Variants in LCT observed in about 807,000 individuals in gnomAD.
The protein encoded by LCT is lactase, also known as lactase/phlorizin hydrolase.
A neutral mutation model predicts 173.0 loss-of-function variants in LCT; 90 were observed. That is an observed-to-expected ratio of 0.52 (90% CI 0.44 to 0.62). LCT has a LOEUF of 0.62. Ranked by LOEUF, LCT falls within the 20% of genes least tolerant of loss-of-function variation. LCT has a pLI of 0.00. For synonymous variants in LCT, 853 were observed against 957.6 expected, an observed-to-expected ratio of 0.89 and a Z score of 2.02; for missense variants, 1,864 against 2,431.4, an observed-to-expected ratio of 0.77 and a Z score of 4.91.
At position 135,836,826 on chromosome 2, in the gene LCT, C is replaced by T. The variant is rs1679411520; in HGVS notation, c.344G>A (p.Arg115Gln). ...TGCAGTCTTGAGGGCCTTGAGGAGTCGCCGGTAGCACTGCACTGTTTTCTC... is the reference window on the plus strand; with the variant it reads ...TGCAGTCTTGAGGGCCTTGAGGAGTTGCCGGTAGCACTGCACTGTTTTCTC... ...PDEKTVQCYR[R>Q]LLKALKTARL... Residue 115 changes from arginine to glutamine, a missense_variant, in exon 1 of 17, where the codon CGA becomes CAA. Physicochemically the swap from Arg to Gln is conservative, Grantham distance 43. Transcript: ENST00000264162. The T allele has an allele frequency of 3.7e-6, 6 of 1,614,084 alleles. No homozygotes were observed. The highest frequency in any genetic ancestry group is 1.3e-5 in the African/African-American group (1 of 74,998).
At position 135,817,567 on chromosome 2, in the gene LCT, G is replaced by A. The variant is rs1558741351; in HGVS notation, c.1481C>T (p.Thr494Met). 1.9e-6 allele frequency: 3 copies of A among 1,614,158 alleles called. No individual in the cohort carries two copies. Among genetic ancestry groups the A allele is most frequent in the Non-Finnish European group, 2.5e-6 (3 of 1,180,008 alleles). ...LQDAGIEPMA[T>M]LFHWDLPQAL... ...CTGAGGCAGGTCCCAGTGGAACAGC[G>A]TGGCCATGGGCTCGATGCCCGCATC... Residue 494 changes from threonine (T) to methionine (M), a missense_variant, in exon 6 of 17, where the codon ACG becomes ATG. Physicochemically the swap from Thr to Met is moderately conservative, Grantham distance 81 (BLOSUM62 -1). Coordinates refer to ENST00000264162, the MANE Select transcript of LCT (RefSeq NM_002299.4).
At chr2:135,795,034 C>A (rs1256821987) in intron 13 of LCT, among the ~76,000 whole-genome samples, 2 of 948 alleles carry the variant, frequency 2.1e-3, no homozygotes, top group African/African-American at 2.7e-3. Context: ...CACGCACCCA[C>A]GCGCGCGCGC....
intron 7 of LCT, among the ~76,000 whole-genome samples, chr2:135,811,428 A>G (rs971987721): frequency 6.6e-6 from 1 of 152,208 alleles, no homozygotes; most frequent in African/African-American, 2.4e-5. Flanking sequence ...TCTATTTGCC[A>G]TACCTTTCCA....
At position 135,809,710 on chromosome 2, in the gene LCT, C is replaced by T. The variant is rs143596472; in HGVS notation, c.2637G>A (p.Lys879=). ...AFTFPSEVPS[K]AKVVWEKFSS... ...AGAACTTTTCCCAAACGACTTTAGC[C>T]TTGGAGGGCACCTCAGATGGAAAAG... The change falls in exon 8 of 17, where the codon AAG becomes AAA. Residue 879 remains lysine (K), a synonymous_variant. Coordinates refer to ENST00000264162, the MANE Select transcript of LCT (RefSeq NM_002299.4). The surrounding 1 kb of genome is among the most constrained non-coding windows in gnomAD (Gnocchi z 5.5). 1.9e-6 allele frequency: 3 copies of T among 1,614,272 alleles called. No individual in the cohort carries two copies. Among genetic ancestry groups the T allele is most frequent in the Non-Finnish European group, 2.5e-6 (3 of 1,180,048 alleles).
intron 1 of LCT, among the ~76,000 whole-genome samples, chr2:135,835,999 TA>T (rs1679345891): frequency 7.6e-5 from 2 of 26,214 alleles, no homozygotes; most frequent in Non-Finnish European, 4.6e-4. Flanking sequence ...TATATATATA[TA>T]TATATATATA....
chr2:135,812,841 G>A lies in LCT; in HGVS notation c.1823C>T (p.Pro608Leu), dbSNP rs935973362. 1.2e-6 allele frequency: 2 copies of A among 1,614,090 alleles called. No individual in the cohort carries two copies. Among genetic ancestry groups the A allele is most frequent in the Non-Finnish European group, 1.7e-6 (2 of 1,180,046 alleles). ...GTCCTCAGGCCTCTCTGGAGACAGG[G>A]GTTCTGCCCAGTCTGAGTTCAGCAC... ...GIVLNSDWAE[P>L]LSPERPEDLR... Residue 608 changes from proline to leucine, a missense_variant, in exon 7 of 17, where the codon CCC becomes CTC. Pro to Leu is a moderately conservative substitution (Grantham distance 98). Transcript: ENST00000264162.
Position 135,836,548 on chromosome 2 carries a change from C to T in LCT, c.622G>A (p.Glu208Lys), listed in dbSNP as rs752290809. The change falls in exon 1 of 17, where the codon GAA becomes AAA. Residue 208 changes from glutamate (E) to lysine (K), a missense_variant. This residue lies in a region of LCT where 412 missense variants were observed against 462.0 expected (regional missense o/e 0.89). Transcript: ENST00000264162. ...TACTCACCCTGAAAAGCATAGCTTT[C>T]GTGGTAAATCTCATAGGCTTTTCTG... ...AHRKAYEIYH[E>K]SYAFQGGKLS... 34 of 1,614,048 alleles carry T rather than the reference C, an allele frequency of 2.1e-5. No homozygotes were observed. The highest frequency in any genetic ancestry group is 2.8e-5 in the Non-Finnish European group (33 of 1,179,982).
At chr2:135,821,177 G>A (rs996307292) in intron 5 of LCT, among the ~76,000 whole-genome samples, 2 of 152,108 alleles carry the variant, frequency 1.3e-5, no homozygotes, top group African/African-American at 2.4e-5. Flanking sequence ...CACCGTGCCC[G>A]GCAATCTGCT....
chr2:135,831,661 C>G (rs1044332948), intron 2 of LCT, among the ~76,000 whole-genome samples: 2 of 152,236 alleles, frequency 1.3e-5, no homozygotes, highest in African/African-American at 4.8e-5. Flanking sequence ...GCCGTGCAAT[C>G]AGCCTGGGAG....
Position 135,808,677 on chromosome 2 carries a change from G to A in LCT, c.3670C>T (p.Pro1224Ser). The part of the protein sequence containing the change: ...VQHKTPRLNP[P>S]SYEDDQEMAE... ...ATCTCCTGGTCGTCTTCGTAGGAGG[G>A]TGGGTTTAGCCTGGGTGTTTTGTGC... The change falls in exon 8 of 17, where the codon CCC (proline) becomes TCC (serine). Residue 1224 changes from proline (P) to serine (S), a missense_variant. By Grantham distance (74) the Pro-to-Ser change is moderately conservative. Coordinates refer to ENST00000264162, the MANE Select transcript of LCT (RefSeq NM_002299.4). 6.2e-7 allele frequency: 1 copy of A among 1,614,204 alleles called. No homozygotes were observed. The highest frequency in any genetic ancestry group is 8.5e-7 in the Non-Finnish European group (1 of 1,180,030).
At chr2:135,791,669 G>C (rs2077534156) in intron 14 of LCT, among the ~76,000 whole-genome samples, 1 of 152,222 alleles carries the variant, frequency 6.6e-6, no homozygotes, top group Non-Finnish European at 1.5e-5. Flanking sequence ...GACAGCCCCA[G>C]GGCTCATAAG....
At position 135,808,634 on chromosome 2, in the gene LCT, G is replaced by T. The variant is rs1387987487; in HGVS notation, c.3713C>A (p.Pro1238His). 1.9e-6 allele frequency: 3 copies of T among 1,614,218 alleles called. No homozygotes were observed. Among genetic ancestry groups the T allele is most frequent in the Non-Finnish European group, 1.7e-6 (2 of 1,180,048 alleles). Residue 1238 changes from proline to histidine, a missense_variant, in exon 8 of 17, where the codon CCT (proline) becomes CAT (histidine). Transcript: ENST00000264162. Reference sequence around the variant, plus strand: ...GTTCATTGCCGTGGAAGGCCACGAAGGGTCCTCCTCCTCAGCCATCTCCTG... The same window carrying T: ...GTTCATTGCCGTGGAAGGCCACGAATGGTCCTCCTCCTCAGCCATCTCCTG... ...DDQEMAEEED[P>H]SWPSTAMNRA...
At position 135,824,012 on chromosome 2, in the gene LCT, G is replaced by T; in HGVS notation, c.805-9C>A. Reference sequence around the variant, plus strand: ...ACTTTTGGCTCAATGGTCTGAAAAAGAGAAGGACCAGCAAGTGAACTGAAG... The same window carrying T: ...ACTTTTGGCTCAATGGTCTGAAAAATAGAAGGACCAGCAAGTGAACTGAAG... On this transcript the variant is annotated splice_polypyrimidine_tract_variant and intron_variant, in intron 3 of 16. Coordinates refer to ENST00000264162, the MANE Select transcript of LCT (RefSeq NM_002299.4). 1 of 1,587,860 alleles carries T rather than the reference G, an allele frequency of 6.3e-7. No homozygotes were observed. The highest frequency in any genetic ancestry group is 1.1e-5 in the South Asian group (1 of 90,564).
rs192871187 is a variant in LCT, at chr2:135,814,910, A to G, written c.1708-1954T>C. 3.7e-3 allele frequency among the ~76,000 whole-genome samples: 569 copies of G among 152,154 alleles called. 7 individuals carry two copies. Among genetic ancestry groups the G allele is most frequent in the Non-Finnish European group, 7.2e-3 (487 of 67,988 alleles). On this transcript the variant is annotated intron_variant, in intron 6 of 16. Transcript: ENST00000264162. Reference sequence around the variant, plus strand: ...TCATATGTTGAAGCCCTAATCCCCAATGTGATGGTATTTGGAGATAGGGCC... The same window carrying G: ...TCATATGTTGAAGCCCTAATCCCCAGTGTGATGGTATTTGGAGATAGGGCC...
rs200101139 is a variant in LCT at position 135,788,369 on chromosome 2, T to C, written c.5739A>G (p.Lys1913=). The change falls in exon 17 of 17, where the codon AAA becomes AAG. Residue 1913 remains lysine (K), a synonymous_variant. Coordinates refer to ENST00000264162, the MANE Select transcript of LCT (RefSeq NM_002299.4). The stretch of plus-strand genomic sequence containing the variant: ...TCAATTCCTGTTGGCTTCGTTGTGT[T>C]TTCCCTTGCTTAGAGCGCTTGCAGT... ...YKYCKRSKQG[K]TQRSQQELSP... 6.3e-5 allele frequency: 101 copies of C among 1,614,166 alleles called. No homozygotes were observed. The East Asian group carries it at 2.1e-3, about 33-fold the overall frequency.
intron 1 of LCT, among the ~76,000 whole-genome samples, chr2:135,836,171 A>G (rs990535795): frequency 2.6e-5 from 4 of 151,502 alleles, no homozygotes; most frequent in African/African-American, 7.3e-5. Context: ...GGCGCCTGCT[A>G]CCATCCCTGG....
rs2077741176 is a variant in LCT at position 135,812,357 on chromosome 2, G to A, written c.2307C>T (p.Ser769=). The A allele has an allele frequency of 6.2e-7, 1 of 1,613,840 alleles. No homozygotes were observed. The highest frequency in any genetic ancestry group is 1.3e-5 in the African/African-American group (1 of 75,040). The part of the protein sequence containing the change: ...IGESENLFDD[S]LRVDYFNQYI... ...ATTGATTGAAGTAGTCTACTCTTAAGGAATCATCAAAGAGATTTTCACTTT... is the reference window on the plus strand; with the variant it reads ...ATTGATTGAAGTAGTCTACTCTTAAAGAATCATCAAAGAGATTTTCACTTT... The change falls in exon 7 of 17, where the codon TCC becomes TCT. Residue 769 remains serine (S), a synonymous_variant. Transcript: ENST00000264162.
At chr2:135,829,906 A>G (rs1389014001) in intron 2 of LCT, among the ~76,000 whole-genome samples, 1 of 151,240 alleles carries the variant, frequency 6.6e-6, no homozygotes, top group East Asian at 2.0e-4. Flanking sequence ...TGCATCACCT[A>G]TGTGCTCATC....
rs1295289020 is a variant in LCT, at chr2:135,817,340, C to T, written c.1707+1G>A. The T allele has an allele frequency of 1.2e-6, 2 of 1,613,702 alleles. No homozygotes were observed. Among genetic ancestry groups the T allele is most frequent in the Non-Finnish European group, 1.7e-6 (2 of 1,179,852 alleles). On this transcript the variant is annotated splice_donor_variant, in intron 6 of 16. Transcript: ENST00000264162. LOFTEE classifies it high-confidence loss of function. ...GTAGGAGCTGCAGGGTTGGGAAGTA[C>T]CTTAAAAGAGGCCACTCCTGGGTCA...
Sources: gnomAD v4.1 joint callset for allele counts (sites outside exome capture counted in the v4.1 genomes callset) on GRCh38, gnomAD v4.1.1 for gene constraint, gnomAD v4.1.1 regional missense constraint, Gnocchi (gnomAD v3.1) non-coding constraint, MANE v1.5 for transcripts, NCBI Gene and HGNC (gene_info 2026-07-23, HGNC 2026-07-21) for gene names.